Variants in ENKUR observed in about 807,000 individuals in gnomAD.
The protein encoded by ENKUR is enkurin, TRPC channel interacting protein, also known as enkurin.
A neutral mutation model predicts 27.6 loss-of-function variants in ENKUR; 19 were observed. That is an observed-to-expected ratio of 0.69 (90% CI 0.48 to 1.01). ENKUR has a LOEUF of 1.01. Ranked by LOEUF, ENKUR falls within the 50% of genes least tolerant of loss-of-function variation. The pLI is 0.00. For missense variants in ENKUR, 312 were observed against 310.5 expected, an observed-to-expected ratio of 1.00 and a Z score of -0.04; for synonymous variants, 117 against 96.9, an observed-to-expected ratio of 1.21 and a Z score of -1.22.
chr10:25,031,129 TAATA>T (rs763329326), intron 2 of ENKUR, among the ~76,000 whole-genome samples: 19 of 152,228 alleles, frequency 1.2e-4, no homozygotes, highest in Non-Finnish European at 2.1e-4. Flanking sequence ...AAGTAAAAAA[TAATA>T]AATAATTAAA....
intron 2 of ENKUR, among the ~76,000 whole-genome samples, chr10:25,027,347 A>T (rs1850871855): frequency 9.3e-6 from 1 of 107,170 alleles, no homozygotes; most frequent in Admixed American, 1.1e-4. Flanking sequence ...ACAGAGCAAG[A>T]CTCCCGTCTC....
chr10:25,060,667 C>A lies in ENKUR; in HGVS notation c.37+445G>T, dbSNP rs558027090. ...GACTTCACTCTGTTGGCAGGGTAGACCCCACCCAAGCAGTGCTAGGGAAAG... is the reference window on the plus strand; with the variant it reads ...GACTTCACTCTGTTGGCAGGGTAGAACCCACCCAAGCAGTGCTAGGGAAAG... On this transcript the variant is annotated intron_variant, in intron 2 of 5. Transcript: ENST00000615958. Among the ~76,000 whole-genome samples the A allele has an allele frequency of 2.6e-5, 4 of 152,164 alleles. No homozygotes were observed. The South Asian group carries it at 8.3e-4, about 32-fold the overall frequency.
intron 4 of ENKUR, among the ~76,000 whole-genome samples, chr10:24,989,781 A>G (rs1849885520): frequency 6.6e-6 from 1 of 152,202 alleles, no homozygotes; most frequent in Non-Finnish European, 1.5e-5. Context: ...ATAAACAAAG[A>G]ATTAAGTATT....
intron 2 of ENKUR, among the ~76,000 whole-genome samples, chr10:25,040,599 T>C (rs1433194709): frequency 6.6e-6 from 1 of 152,084 alleles, no homozygotes; most frequent in African/African-American, 2.4e-5. Flanking sequence ...CTCGATCTCC[T>C]GACCGCGTGA....
At chr10:25,043,365 G>A (rs1240595355) in intron 2 of ENKUR, among the ~76,000 whole-genome samples, 2 of 152,080 alleles carry the variant, frequency 1.3e-5, no homozygotes, top group African/African-American at 2.4e-5. Flanking sequence ...TTGTGTGAAA[G>A]CTTTTTATGT....
At chr10:25,049,234 G>A (rs769521629) in intron 2 of ENKUR, among the ~76,000 whole-genome samples, 3 of 152,064 alleles carry the variant, frequency 2.0e-5, no homozygotes, top group Non-Finnish European at 2.9e-5. Context: ...GTGCTACTTC[G>A]TTCTCTAGGG....
At chr10:24,990,336 G>C in intron 4 of ENKUR, 127 bp downstream of exon 4, 2 of 1,263,210 alleles carry the variant, frequency 1.6e-6, no homozygotes. Flanking sequence ...GTTTTTAACT[G>C]TAACCCAAAG....
chr10:25,026,651 A>G (rs924500332), intron 2 of ENKUR: 1 of 161,094 alleles, frequency 6.2e-6, no homozygotes, highest in Non-Finnish European at 1.5e-5. Context: ...TGAATTAAAG[A>G]TTGTCAAGAC....
At chr10:25,043,566 A>AT (rs894214202) in intron 2 of ENKUR, among the ~76,000 whole-genome samples, 2 of 151,492 alleles carry the variant, frequency 1.3e-5, no homozygotes, top group African/African-American at 4.8e-5. Context: ...ATGCCTATGA[A>AT]TTTTTTTTTA....
At chr10:25,050,514 C>T (rs1294213691) in intron 2 of ENKUR, among the ~76,000 whole-genome samples, 1 of 152,130 alleles carries the variant, frequency 6.6e-6, no homozygotes, top group Admixed American at 6.5e-5. Context: ...GACGTATTCA[C>T]TACCACGAGA....
At chr10:25,061,499 G>T in intron 1 of ENKUR, 1 of 211,526 alleles carries the variant, frequency 4.7e-6, no homozygotes, top group Non-Finnish European at 9.3e-6. Flanking sequence ...TCTATTTTCA[G>T]GAAAAAAAGG....
chr10:25,021,037 C>T (rs1052628295), upstream of ENKUR, among the ~76,000 whole-genome samples: 1 of 152,172 alleles, frequency 6.6e-6, no homozygotes, highest in African/African-American at 2.4e-5. Context: ...AAGGATTAGA[C>T]TGTGCATGGC....
chr10:25,052,959 G>A (rs1851203885), intron 2 of ENKUR, among the ~76,000 whole-genome samples: 2 of 151,768 alleles, frequency 1.3e-5, no homozygotes, highest in South Asian at 4.2e-4. Flanking sequence ...ACTAGAGACA[G>A]GGTTTCACCA....
At chr10:25,011,005 C>T (rs1229144187) in intron 1 of ENKUR, among the ~76,000 whole-genome samples, 1 of 150,386 alleles carries the variant, frequency 6.6e-6, no homozygotes, top group Non-Finnish European at 1.5e-5. Flanking sequence ...TTCTAGATCC[C>T]TGAGGAATCG....
chr10:25,006,841 A>C (rs892258313), intron 1 of ENKUR, among the ~76,000 whole-genome samples: 3 of 152,218 alleles, frequency 2.0e-5, no homozygotes, highest in Admixed American at 1.3e-4. Context: ...TCTCGATCTC[A>C]GCCCTTGTTT....
At chr10:25,021,870 G>A (rs1850725592) in intron 2 of ENKUR, 1 of 152,058 alleles carries the variant, frequency 6.6e-6, no homozygotes, top group African/African-American at 2.4e-5. Flanking sequence ...AGTCAAATAA[G>A]GAAATGAATT....
chr10:25,024,792 G>C, intron 2 of ENKUR: 1 of 1,614,140 alleles, frequency 6.2e-7, no homozygotes, highest in Non-Finnish European at 8.5e-7. Context: ...CCAAAATGAT[G>C]GGAATCCCGA....
At chr10:24,998,751 G>T (rs946687029) in intron 2 of ENKUR, among the ~76,000 whole-genome samples, 1 of 151,810 alleles carries the variant, frequency 6.6e-6, no homozygotes, top group African/African-American at 2.4e-5. Context: ...CTCCATAACT[G>T]GGATCAAGTA....
rs143276485 is a variant in ENKUR, at chr10:24,995,567, A to T, written c.447+79T>A. The T allele has an allele frequency of 2.0e-4, 246 of 1,258,186 alleles. No homozygotes were observed. In the African/African-American group the frequency reaches 3.5e-3, roughly 18 times the overall value. The allele number at this position is 1,258,186 out of a possible 1,614,324, so 77.9% of individuals were successfully genotyped here. A position where few individuals can be genotyped will look rare whatever the true frequency, so the allele number is the denominator to read the frequency against. On this transcript the variant is annotated intron_variant, in intron 3 of 5. Transcript: ENST00000331161. ...GTGTCCAATGAGAGCACTAATAATG[A>T]TAACATAGATGATCATCATGAACAC...
Sources: allele counts gnomAD v4.1 joint callset (sites outside exome capture counted in the v4.1 genomes callset), GRCh38; gene constraint gnomAD v4.1.1; transcripts MANE v1.5; gene names NCBI Gene and HGNC (gene_info 2026-07-23, HGNC 2026-07-21).